WARS2: variants seen among roughly 807,000 people sequenced by gnomAD.
WARS2 encodes tryptophanyl tRNA synthetase 2, mitochondrial, also known as tryptophan--tRNA ligase, mitochondrial.
Under a neutral mutation model 36.5 loss-of-function variants are expected in WARS2, and 28 were observed. That is an observed-to-expected ratio of 0.77 (90% CI 0.57 to 1.05). The LOEUF is 1.05. Among genes scored for constraint, WARS2 ranks in the 50% least tolerant of loss-of-function variants. WARS2 has a pLI of 0.00. For missense variants in WARS2, 435 were observed against 456.8 expected, an observed-to-expected ratio of 0.95 and a Z score of 0.44; for synonymous variants, 174 against 178.4, an observed-to-expected ratio of 0.98 and a Z score of 0.20.
intron 1 of WARS2, among the ~76,000 whole-genome samples, chr1:119,106,415 GT>G (rs879844112): frequency 1.3e-5 from 2 of 152,178 alleles, no homozygotes; most frequent in Admixed American, 1.3e-4. Flanking sequence ...CCCCATTATA[GT>G]ATCATGTAGG....
intron 2 of WARS2, among the ~76,000 whole-genome samples, chr1:119,055,223 G>C (rs1649672898): frequency 6.6e-6 from 1 of 152,182 alleles, no homozygotes; most frequent in Non-Finnish European, 1.5e-5. Context: ...TTTCAGATAT[G>C]CTGAACTTGA....
At chr1:119,110,820 T>G (rs985890024) in intron 1 of WARS2, among the ~76,000 whole-genome samples, 1 of 152,126 alleles carries the variant, frequency 6.6e-6, no homozygotes, top group Non-Finnish European at 1.5e-5. Flanking sequence ...TCTTGGATAT[T>G]CTTTTCTTGT....
chr1:119,134,329 A>AC (rs1158755830), intron 1 of WARS2, among the ~76,000 whole-genome samples: 1 of 150,868 alleles, frequency 6.6e-6, no homozygotes, highest in African/African-American at 2.4e-5. Flanking sequence ...CAAAAAAAAA[A>AC]AAAAAAAAAA....
chr1:119,111,351 G>A (rs906477683), intron 1 of WARS2, among the ~76,000 whole-genome samples: 3 of 152,160 alleles, frequency 2.0e-5, no homozygotes, highest in African/African-American at 7.2e-5. Flanking sequence ...CCTGAACTGT[G>A]AAATTCGCAA....
intron 1 of WARS2, among the ~76,000 whole-genome samples, chr1:119,122,435 C>G (rs1655386581): frequency 6.6e-6 from 1 of 152,168 alleles, no homozygotes; most frequent in Admixed American, 6.5e-5. Context: ...CAGTTTTACA[C>G]TGCTGGTAGG....
intron 1 of WARS2, among the ~76,000 whole-genome samples, chr1:119,137,847 T>C (rs187017016): frequency 2.0e-5 from 3 of 152,216 alleles, no homozygotes; most frequent in Non-Finnish European, 4.4e-5. Flanking sequence ...AGTTTACATC[T>C]GCATCCTCTG....
At chr1:119,045,451 G>A (rs2101129614) in intron 3 of WARS2, 131 bp downstream of exon 3, 4 of 715,622 alleles carry the variant, frequency 5.6e-6, no homozygotes, top group South Asian at 1.8e-5. Context: ...GAAGCAGGGA[G>A]GTTAAAGATG....
intron 1 of WARS2, among the ~76,000 whole-genome samples, chr1:119,095,358 A>G (rs1653356809): frequency 6.6e-6 from 1 of 152,190 alleles, no homozygotes; most frequent in African/African-American, 2.4e-5. Flanking sequence ...TACCATTCCC[A>G]TTGGTTTATA....
intron 3 of WARS2, 32 bp from the exon 4 acceptor site, chr1:119,042,381 A>C: frequency 6.2e-7 from 1 of 1,601,024 alleles, no homozygotes; most frequent in Non-Finnish European, 8.6e-7. Context: ...GAGGGGAAGA[A>C]ATCTGAAATC....
chr1:119,094,663 CAT>C (rs772059542), intron 1 of WARS2, among the ~76,000 whole-genome samples: 15 of 152,064 alleles, frequency 9.9e-5, no homozygotes, highest in Admixed American at 1.3e-4. Flanking sequence ...CATCATCCCA[CAT>C]AGTTATCAAT....
chr1:119,076,483 C>T lies in WARS2; in HGVS notation c.215G>A (p.Ser72Asn). The T allele has an allele frequency of 6.2e-7, 1 of 1,614,146 alleles. No homozygotes were observed. The highest frequency in any genetic ancestry group is 8.5e-7 in the Non-Finnish European group (1 of 1,180,004). Residue 72 changes from serine (S) to asparagine (N), a missense_variant, in exon 2 of 6, where the codon AGC (serine) becomes AAC (asparagine). Transcript: ENST00000235521. ...LQDEYDSVLY[S>N]IVDLHSITVP... ...AGTAATGGAGTGGAGGTCAACAATG[C>T]TGTATAATACAGAGTCATATTCATC...
At chr1:119,037,763 G>A (rs940492407) in intron 4 of WARS2, among the ~76,000 whole-genome samples, 4 of 152,148 alleles carry the variant, frequency 2.6e-5, no homozygotes, top group Non-Finnish European at 4.4e-5. Context: ...ATCCAGTTGG[G>A]TAAGTCAGAA....
chr1:119,055,218 G>C (rs552059084), intron 2 of WARS2, among the ~76,000 whole-genome samples: 1 of 152,312 alleles, frequency 6.6e-6, no homozygotes, highest in Admixed American at 6.5e-5. Flanking sequence ...TCTGGTTTCA[G>C]ATATGCTGAA....
chr1:119,129,448 C>G (rs1191351495), intron 1 of WARS2, among the ~76,000 whole-genome samples: 1 of 152,178 alleles, frequency 6.6e-6, no homozygotes, highest in Non-Finnish European at 1.5e-5. Flanking sequence ...GTGGTTCACA[C>G]CTGTAATCTC....
At chr1:119,044,006 C>T (rs150010486) in intron 3 of WARS2, among the ~76,000 whole-genome samples, 1 of 152,338 alleles carries the variant, frequency 6.6e-6, no homozygotes, top group African/African-American at 2.4e-5. Flanking sequence ...CAGAGCACTT[C>T]TTACACTTTC....
Position 119,050,651 on chromosome 1 carries a change from G to A in WARS2, c.349-4989C>T, listed in dbSNP as rs144703735. ...ACAAATAAGTGAGGTAGATTTAAAT[G>A]AATAAACATGAATAACAAAAACATA... is the stretch of plus-strand genomic sequence containing the variant. On this transcript the variant is annotated intron_variant, in intron 2 of 5. Transcript: ENST00000235521. Among the ~76,000 whole-genome samples the A allele has an allele frequency of 9.8e-4, 148 of 151,658 alleles. 2 individuals are homozygous for A. The East Asian group carries it at 0.028, about 28-fold the overall frequency.
chr1:119,113,571 A>G (rs1354872903), intron 1 of WARS2, among the ~76,000 whole-genome samples: 1 of 152,182 alleles, frequency 6.6e-6, no homozygotes, highest in Non-Finnish European at 1.5e-5. Flanking sequence ...CCTTTAAAAA[A>G]AATCATGGGA....
At chr1:119,048,885 G>A (rs543336906) in intron 2 of WARS2, among the ~76,000 whole-genome samples, 68 of 152,162 alleles carry the variant, frequency 4.5e-4, no homozygotes, top group African/African-American at 1.5e-3. Flanking sequence ...CCAATATGGC[G>A]AAACCCGTCT....
intron 1 of WARS2, among the ~76,000 whole-genome samples, chr1:119,093,518 G>C (rs939920124): frequency 1.3e-5 from 2 of 148,466 alleles, no homozygotes; most frequent in African/African-American, 5.0e-5. Context: ...AAGACACACA[G>C]ACACATAGAG....
Sources: gnomAD v4.1 joint callset for allele counts (sites outside exome capture counted in the v4.1 genomes callset) on GRCh38, gnomAD v4.1.1 for gene constraint, MANE v1.5 for transcripts, NCBI Gene and HGNC (gene_info 2026-07-23, HGNC 2026-07-21) for gene names.